DPP10: variants seen among roughly 807,000 people sequenced by gnomAD.
DPP10 encodes dipeptidyl peptidase like 10, also known as inactive dipeptidyl peptidase 10.
A neutral mutation model predicts 120.9 loss-of-function variants in DPP10; 33 were observed. That is an observed-to-expected ratio of 0.27 (90% confidence interval 0.21 to 0.37). DPP10 has a LOEUF of 0.37. Ranked by LOEUF, DPP10 falls within the 10% of genes least tolerant of loss-of-function variation. The probability of loss-of-function intolerance (pLI) is 1.00; values close to 1 mark genes in which losing one functional copy is unlikely to be tolerated. For synonymous variants in DPP10, 337 were observed against 326.1 expected (o/e 1.03, Z -0.36); for missense variants, 816 against 942.8 (o/e 0.87, Z 1.76).
At chr2:115,605,795 G>A (rs995512066) in intron 5 of DPP10, among the ~76,000 whole-genome samples, 1 of 152,018 alleles carries the variant, frequency 6.6e-6, no homozygotes, top group African/African-American at 2.4e-5. Flanking sequence ...CACCTAGTAT[G>A]TGAGAGGATC....
chr2:115,175,663 C>T (rs546508068), intron 1 of DPP10, among the ~76,000 whole-genome samples: 2 of 152,260 alleles, frequency 1.3e-5, no homozygotes, highest in East Asian at 1.9e-4. Context: ...AAAAGACCAG[C>T]GCTATTCAAT....
intron 4 of DPP10, among the ~76,000 whole-genome samples, chr2:115,503,935 C>T (rs1372159622): frequency 6.6e-6 from 1 of 151,950 alleles, no homozygotes; most frequent in East Asian, 1.9e-4. Context: ...TTTGAGAAAC[C>T]CTGTTCTAGA....
chr2:115,558,225 C>T (rs968061411), intron 5 of DPP10, among the ~76,000 whole-genome samples: 2 of 152,114 alleles, frequency 1.3e-5, no homozygotes, highest in Non-Finnish European at 1.5e-5. Context: ...ATTGGTCAGC[C>T]GCTCTCCATA....
intron 5 of DPP10, among the ~76,000 whole-genome samples, chr2:115,589,391 G>A (rs762129743): frequency 4.6e-5 from 7 of 152,146 alleles, no homozygotes; most frequent in Non-Finnish European, 1.0e-4. Flanking sequence ...TTACCCAGGT[G>A]GACAATCACA....
chr2:114,490,921 C>T (rs7588609), intron 1 of DPP10, among the ~76,000 whole-genome samples: 6,338 of 152,148 alleles, frequency 0.042, 226 homozygotes, highest in Middle Eastern at 0.092. Context: ...AATGCTGCCA[C>T]GCTAATAGGG....
At chr2:115,374,449 C>T (rs2065637175) in intron 3 of DPP10, among the ~76,000 whole-genome samples, 1 of 152,178 alleles carries the variant, frequency 6.6e-6, no homozygotes, top group Non-Finnish European at 1.5e-5. Flanking sequence ...GTGCCTGTGG[C>T]TTTTCCAGGT....
chr2:114,812,795 G>A (rs943743401), intron 1 of DPP10, among the ~76,000 whole-genome samples: 3 of 152,016 alleles, frequency 2.0e-5, no homozygotes, highest in African/African-American at 4.8e-5. Flanking sequence ...GAAAAACTGA[G>A]TGCCTGTCAC....
At chr2:114,446,330 C>G (rs1677944104) in intron 1 of DPP10, among the ~76,000 whole-genome samples, 1 of 152,166 alleles carries the variant, frequency 6.6e-6, no homozygotes, top group Non-Finnish European at 1.5e-5. Flanking sequence ...GAATATCAGT[C>G]TAGTATCCTC....
At chr2:114,630,448 A>G (rs1175180975) in intron 1 of DPP10, among the ~76,000 whole-genome samples, 1 of 152,180 alleles carries the variant, frequency 6.6e-6, no homozygotes. Context: ...ATGAAATGAG[A>G]GTCGAGTTAA....
intron 1 of DPP10, among the ~76,000 whole-genome samples, chr2:114,566,391 AT>A (rs1302461433): frequency 6.6e-6 from 1 of 152,256 alleles, no homozygotes; most frequent in African/African-American, 2.4e-5. Context: ...ATAATTTTAT[AT>A]GTGCAAGAAA....
At chr2:114,810,240 A>G (rs1462690670) in intron 1 of DPP10, among the ~76,000 whole-genome samples, 1 of 152,226 alleles carries the variant, frequency 6.6e-6, no homozygotes, top group Non-Finnish European at 1.5e-5. Flanking sequence ...TTCTAGCTAG[A>G]GTAATAGCTA....
At chr2:115,520,056 C>T (rs552847498) in intron 4 of DPP10, among the ~76,000 whole-genome samples, 1 of 152,280 alleles carries the variant, frequency 6.6e-6, no homozygotes, top group East Asian at 1.9e-4. Flanking sequence ...TCATGGCTCA[C>T]GCCTGCAATC....
Position 114,662,782 on chromosome 2 carries a change from G to A in DPP10, c.60+219944G>A, listed in dbSNP as rs1375701132. Among the ~76,000 whole-genome samples the A allele has an allele frequency of 1.2e-4, 18 of 152,184 alleles. No homozygotes were observed. The East Asian group carries it at 3.5e-3, about 30-fold the overall frequency. On this transcript the variant is annotated intron_variant, in intron 1 of 25. Transcript: ENST00000410059. ...GCCCACAGGGGCCCTGAAGTGCCAG[G>A]GGGGGACCTTGGGCCACCAGGAGCG...
rs961605891 is a variant in DPP10 at position 114,700,331 on chromosome 2, AAAAC to A, written c.60+257502_60+257505del. On this transcript the variant is annotated intron_variant, in intron 1 of 25. Coordinates refer to ENST00000410059, the MANE Select transcript of DPP10 (RefSeq NM_020868.6). ...CATCTGCATATCCAATAGACAGAGT[AAAAC>A]AAACAAACTCCTAGGTGTAGATTAC... Among the ~76,000 whole-genome samples, 22 of 152,246 alleles carry A rather than the reference AAAAC, an allele frequency of 1.4e-4. No individual in the cohort carries two copies. The East Asian group carries it at 4.1e-3, about 28-fold the overall frequency.
intron 1 of DPP10, among the ~76,000 whole-genome samples, chr2:115,055,340 A>G (rs904331804): frequency 4.6e-5 from 7 of 152,188 alleles, no homozygotes; most frequent in Admixed American, 3.9e-4. Flanking sequence ...CAATACTAAT[A>G]AAACTTACTC....
intron 1 of DPP10, among the ~76,000 whole-genome samples, chr2:114,877,484 A>G (rs928007599): frequency 2.0e-5 from 3 of 152,042 alleles, no homozygotes; most frequent in Non-Finnish European, 2.9e-5. Flanking sequence ...TCAATCACAG[A>G]TGTAACATAG....
intron 1 of DPP10, among the ~76,000 whole-genome samples, chr2:114,767,207 C>CAAAAAAAAAAAAAAAAAAAAAA (rs5833559): frequency 2.1e-4 from 7 of 33,060 alleles, no homozygotes; most frequent in East Asian, 1.2e-3. Context: ...AGGATAAAAG[C>CAAAAAAAAAAAAAAAAAAAAAA]AAAAAAAAAA....
chr2:115,164,729 T>A (rs1325010247), intron 1 of DPP10, among the ~76,000 whole-genome samples: 1 of 152,198 alleles, frequency 6.6e-6, no homozygotes, highest in East Asian at 1.9e-4. Context: ...CCATATAATT[T>A]GGTTACAGTT....
chr2:115,405,698 T>C (rs746424985), intron 3 of DPP10, among the ~76,000 whole-genome samples: 1 of 152,184 alleles, frequency 6.6e-6, no homozygotes, highest in Non-Finnish European at 1.5e-5. Context: ...TAGCACCATA[T>C]GGATGTGGAT....
Sources: gnomAD v4.1 joint callset for allele counts (sites outside exome capture counted in the v4.1 genomes callset) on GRCh38, gnomAD v4.1.1 for gene constraint, MANE v1.5 for transcripts, NCBI Gene and HGNC (gene_info 2026-07-23, HGNC 2026-07-21) for gene names.